The following SLC7A7 variants were observed in gnomAD, a reference collection of about 807,000 sequenced individuals.
SLC7A7 encodes Y+L amino acid transporter 1.
In SLC7A7, 39 loss-of-function variants were observed where a neutral mutation model predicts 47.9. That is an observed-to-expected ratio of 0.81 (90% CI 0.63 to 1.06). The LOEUF (loss-of-function observed/expected upper bound fraction) is 1.06. Ranked by LOEUF, SLC7A7 falls within the 50% of genes least tolerant of loss-of-function variation. SLC7A7 has a pLI of 0.00. For synonymous variants in SLC7A7, 234 were observed against 242.8 expected (o/e 0.96, Z 0.34); for missense variants, 588 against 632.0 (o/e 0.93, Z 0.75).
At position 22,813,027 on chromosome 14, in the gene SLC7A7, C is replaced by T; in HGVS notation, c.372G>A (p.Leu124=). The T allele has an allele frequency of 6.2e-7, 1 of 1,614,058 alleles. No homozygotes were observed. Among genetic ancestry groups the T allele is most frequent in the Non-Finnish European group, 8.5e-7 (1 of 1,180,012 alleles). Residue 124 remains leucine (L), a synonymous_variant, in exon 2 of 10, where the codon CTG becomes CTA. Transcript: ENST00000674313. The stretch of plus-strand genomic sequence containing the variant: ...CCTGGCTGGTGGGCTCAATGATGAG[C>T]AGGGAGGTCCAGAGTCTGATGAAAG... ...FLAFIRLWTS[L]LIIEPTSQAI... is the part of the protein sequence containing the mutation.
At chr14:22,799,935 C>T (rs980975840) in intron 2 of SLC7A7, among the ~76,000 whole-genome samples, 12 of 152,200 alleles carry the variant, frequency 7.9e-5, no homozygotes, top group African/African-American at 2.2e-4. Flanking sequence ...ACTGCACCTT[C>T]GGTGTTCCCC....
chr14:22,803,249 A>G (rs993648964), intron 2 of SLC7A7, among the ~76,000 whole-genome samples: 6 of 151,982 alleles, frequency 3.9e-5, no homozygotes, highest in African/African-American at 1.2e-4. Flanking sequence ...GTGAAACCCT[A>G]TTTCTGCTAA....
intron 2 of SLC7A7, among the ~76,000 whole-genome samples, chr14:22,795,397 T>G (rs56335426): frequency 0.68 from 59,789 of 88,218 alleles, 17,629 homozygotes; most frequent in East Asian, 0.79. Context: ...TTTCTTTCTT[T>G]CTTTCTTTCT....
At chr14:22,785,344 C>T (rs1421604176) in intron 2 of SLC7A7, among the ~76,000 whole-genome samples, 1 of 152,202 alleles carries the variant, frequency 6.6e-6, no homozygotes. Flanking sequence ...GTCTTCCTCC[C>T]AGCTTCTACC....
intron 2 of SLC7A7, among the ~76,000 whole-genome samples, chr14:22,795,076 C>CTTTTTT (rs3076435): frequency 5.1e-5 from 5 of 97,608 alleles, no homozygotes; most frequent in Non-Finnish European, 6.0e-5. Flanking sequence ...TTCTTTCTTT[C>CTTTTTT]TTTTTTTTTT....
At chr14:22,810,137 T>C (rs1038711628) in intron 2 of SLC7A7, among the ~76,000 whole-genome samples, 5 of 151,094 alleles carry the variant, frequency 3.3e-5, no homozygotes, top group Admixed American at 2.0e-4. Context: ...GAACAAGAGC[T>C]GTCAGAAATG....
intron 5 of SLC7A7, 48 bp from the exon 6 acceptor site, chr14:22,775,984 A>G (rs1427794958): frequency 6.6e-7 from 1 of 1,513,284 alleles, no homozygotes. Flanking sequence ...AAAAGGGATG[A>G]AAGACATGGA....
intron 5 of SLC7A7, 118 bp downstream of exon 5, chr14:22,776,077 G>T: frequency 6.7e-7 from 1 of 1,496,914 alleles, no homozygotes; most frequent in Non-Finnish European, 9.3e-7. Flanking sequence ...TGCAAGCCCG[G>T]TATTCTAAAT....
intron 2 of SLC7A7, among the ~76,000 whole-genome samples, chr14:22,807,194 G>A (rs371477961): frequency 1.6e-3 from 243 of 151,962 alleles, no homozygotes; most frequent in African/African-American, 5.5e-3. Context: ...CCACCGCGCC[G>A]GGCCAACTAT....
intron 1 of SLC7A7, chr14:22,814,590 C>T (rs1288278332): frequency 6.6e-6 from 1 of 152,188 alleles, no homozygotes; most frequent in Non-Finnish European, 1.5e-5. Context: ...CAGAAAATAA[C>T]TATAATGGCT....
intron 3 of SLC7A7, 125 bp downstream of exon 3, chr14:22,779,801 T>G (rs1488119086): frequency 1.5e-5 from 14 of 939,592 alleles, no homozygotes; most frequent in Non-Finnish European, 1.8e-5. Context: ...AAAATGAGAA[T>G]AATAATAGTG....
At chr14:22,781,629 C>T (rs1201712122) in intron 2 of SLC7A7, among the ~76,000 whole-genome samples, 1 of 152,064 alleles carries the variant, frequency 6.6e-6, no homozygotes, top group Non-Finnish European at 1.5e-5. Context: ...TGTATCTTGC[C>T]CTCCACAAAT....
intron 2 of SLC7A7, among the ~76,000 whole-genome samples, chr14:22,803,834 T>C (rs574600508): frequency 6.6e-6 from 1 of 152,288 alleles, no homozygotes; most frequent in Non-Finnish European, 1.5e-5. Flanking sequence ...ATATACATGT[T>C]TAAGTGACTA....
chr14:22,810,063 A>AG (rs2039280380), intron 2 of SLC7A7, among the ~76,000 whole-genome samples: 1 of 136,638 alleles, frequency 7.3e-6, no homozygotes, highest in Non-Finnish European at 1.6e-5. Flanking sequence ...AAAAAAAAAA[A>AG]GCAGCAACAG....
intron 7 of SLC7A7, among the ~76,000 whole-genome samples, chr14:22,775,214 C>T (rs1413225398): frequency 2.0e-5 from 3 of 147,154 alleles, no homozygotes; most frequent in African/African-American, 7.3e-5. Context: ...ACAGTGTATT[C>T]CATGTACTTT....
At chr14:22,811,194 T>C (rs1340280245) in intron 2 of SLC7A7, among the ~76,000 whole-genome samples, 3 of 151,652 alleles carry the variant, frequency 2.0e-5, no homozygotes, top group Non-Finnish European at 4.4e-5. Context: ...AGTTGAGGAG[T>C]GAATGGGGCA....
chr14:22,785,191 T>C (rs2038791750), intron 2 of SLC7A7, among the ~76,000 whole-genome samples: 1 of 151,416 alleles, frequency 6.6e-6, no homozygotes, highest in Admixed American at 6.6e-5. Context: ...GGTAGGAGAA[T>C]CATTTGAACC....
intron 1 of SLC7A7, among the ~76,000 whole-genome samples, chr14:22,814,274 G>A (rs1412022173): frequency 4.6e-5 from 7 of 151,286 alleles, no homozygotes; most frequent in Admixed American, 1.3e-4. Flanking sequence ...ACCTAAAGTC[G>A]GGAGTTCGAG....
intron 2 of SLC7A7, among the ~76,000 whole-genome samples, chr14:22,783,656 C>T (rs192214018): frequency 9.6e-4 from 146 of 152,262 alleles, no homozygotes; most frequent in African/African-American, 3.4e-3. Flanking sequence ...CTGCCTCAGC[C>T]TCCCAAAGTG....
Sources: gnomAD v4.1 joint callset for allele counts (sites outside exome capture counted in the v4.1 genomes callset) on GRCh38, gnomAD v4.1.1 for gene constraint, MANE v1.5 for transcripts, NCBI Gene and HGNC (gene_info 2026-07-23, HGNC 2026-07-21) for gene names.